VWA2: variants seen among roughly 807,000 people sequenced by gnomAD.
The protein encoded by VWA2 is von Willebrand factor A domain containing 2, also known as von Willebrand factor A domain-containing protein 2.
In VWA2, 73 loss-of-function variants were observed where a neutral mutation model predicts 70.4. The ratio of observed to expected loss-of-function variants is 1.04; its 90% CI spans 0.86 to 1.26. The LOEUF is 1.26. Ranked by LOEUF, VWA2 falls within the 50% of genes most tolerant of loss-of-function variation. The pLI is 0.00. For synonymous variants in VWA2, 407 were observed against 423.3 expected, an observed-to-expected ratio of 0.96 and a Z score of 0.47; for missense variants, 1,011 against 998.5, an observed-to-expected ratio of 1.01 and a Z score of -0.17.
chr10:114,263,868 T>C (rs1200344858), intron 5 of VWA2, among the ~76,000 whole-genome samples: 2 of 152,148 alleles, frequency 1.3e-5, no homozygotes, highest in Non-Finnish European at 2.9e-5. Flanking sequence ...TAGACATTGT[T>C]CCAAAGAAGA....
rs74463234 is a variant in VWA2, at chr10:114,269,974, A to G, written c.372-2766A>G. Among the ~76,000 whole-genome samples the G allele has an allele frequency of 6.9e-3, 1,044 of 152,340 alleles. 10 individuals carry two copies. Among genetic ancestry groups the G allele is most frequent in the African/African-American group, 0.024 (995 of 41,578 alleles). On this transcript the variant is annotated intron_variant, in intron 5 of 13. Transcript: ENST00000392982. ...TTTAAGCAGGACAGTTTAGAACAGG[A>G]GTTGGCAAACTTTTTCAGTAAAAGT...
intron 5 of VWA2, among the ~76,000 whole-genome samples, chr10:114,265,674 T>C (rs547822370): frequency 6.6e-6 from 1 of 152,290 alleles, no homozygotes; most frequent in South Asian, 2.1e-4. Flanking sequence ...AACTAAGGGC[T>C]TGAGAGCATT....
At chr10:114,254,032 C>T (rs1258042613) in intron 3 of VWA2, among the ~76,000 whole-genome samples, 1 of 151,472 alleles carries the variant, frequency 6.6e-6, no homozygotes, top group Non-Finnish European at 1.5e-5. Context: ...ACAAGAGGTA[C>T]ACTCCATCTC....
rs566742651 is a variant in VWA2, at chr10:114,286,234, G to A, written c.1293G>A (p.Glu431=). 1.5e-4 allele frequency: 241 copies of A among 1,613,344 alleles called. 2 individuals are homozygous for A. The Middle Eastern group carries it at 2.3e-3, about 15-fold the overall frequency. ...GCAGTGCCTTGCGGCAGGCGGCAGA[G>A]CGTGGCTTCGGGAGCGCCACCAGGA... The part of the protein sequence containing the change: ...LTGSALRQAA[E]RGFGSATRTG... Residue 431 remains glutamate (E), a synonymous_variant, in exon 11 of 14, where the codon GAG becomes GAA. Transcript: ENST00000392982.
rs924139658 is a variant in VWA2 at position 114,292,449 on chromosome 10, GTTTTAA to G, written c.*1217_*1222del. Among the ~76,000 whole-genome samples, 3 of 151,634 alleles carry G rather than the reference GTTTTAA, an allele frequency of 2.0e-5. No individual in the cohort carries two copies. Among genetic ancestry groups the G allele is most frequent in the Admixed American group, 2.0e-4 (3 of 15,206 alleles). ...AAAGCATTGATCTTACGCTGTCTAGGTTTTAATTTTGTTTTGCTTTGCTTTTCTACA... is the reference window on the plus strand; with the variant it reads ...AAAGCATTGATCTTACGCTGTCTAGGTTTTGTTTTGCTTTGCTTTTCTACA... On this transcript the variant is annotated 3_prime_UTR_variant, in exon 14 of 14. Transcript: ENST00000392982.
In VWA2 at chr10:114,284,749, G is replaced by A. The variant is rs997847632; in HGVS notation, c.890-114G>A. On this transcript the variant is annotated intron_variant, in intron 9 of 13. Transcript: ENST00000392982. ...ATTTCCTGGTGGACTGTGGGGGAAG[G>A]GAGGGGCTGGGCCACTGCTAGAGCA... 7.5e-6 allele frequency: 7 copies of A among 930,494 alleles called. No individual in the cohort carries two copies. The African/African-American group carries it at 1.2e-4, about 16-fold the overall frequency. 57.6% of individuals were successfully genotyped at this position (930,494 alleles called of 1,614,324 possible). A position where few individuals can be genotyped will look rare whatever the true frequency, so the allele number is the denominator to read the frequency against.
chr10:114,271,608 A>AACACACACACACACACACACACAC (rs142127208), intron 5 of VWA2, among the ~76,000 whole-genome samples: 247 of 144,782 alleles, frequency 1.7e-3, no homozygotes, highest in African/African-American at 5.9e-3. Flanking sequence ...GAGAAGTAAA[A>AACACACACACACACACACACACAC]ACACACACAC....
intron 2 of VWA2, among the ~76,000 whole-genome samples, chr10:114,251,098 G>A (rs2037186632): frequency 1.3e-5 from 2 of 152,268 alleles, no homozygotes; most frequent in Admixed American, 1.3e-4. Context: ...AGACTTGGCT[G>A]TCACATCTGT....
intron 11 of VWA2, among the ~76,000 whole-genome samples, chr10:114,288,673 C>T (rs760347981): frequency 7.9e-5 from 12 of 152,220 alleles, no homozygotes; most frequent in Non-Finnish European, 1.6e-4. Flanking sequence ...TGAAATTGAT[C>T]ACGTCCGTCA....
intron 1 of VWA2, among the ~76,000 whole-genome samples, chr10:114,242,509 G>C (rs1384333400): frequency 1.3e-5 from 2 of 151,608 alleles, no homozygotes; most frequent in Non-Finnish European, 2.9e-5. Flanking sequence ...CTGTGTACCA[G>C]TAAATCTGTG....
At chr10:114,265,145 G>T (rs548058277) in intron 5 of VWA2, among the ~76,000 whole-genome samples, 1 of 152,340 alleles carries the variant, frequency 6.6e-6, no homozygotes, top group South Asian at 2.1e-4. Context: ...TCTTTTTGGG[G>T]TAAAGAATAG....
chr10:114,255,769 G>A (rs1041229741), intron 4 of VWA2, among the ~76,000 whole-genome samples: 6 of 132,602 alleles, frequency 4.5e-5, no homozygotes, highest in African/African-American at 1.4e-4. Context: ...TCTAAAAGGG[G>A]CATTTTTTTT....
At position 114,294,088 on chromosome 10, in the gene VWA2, T is replaced by G. The variant is rs745360810; in HGVS notation, c.*2851T>G. ...GTTAATGTGATAGGTTATCCATTTG[T>G]GTATTTTCAATCATTGAACAACCCT... On this transcript the variant is annotated 3_prime_UTR_variant, in exon 14 of 14. Transcript: ENST00000392982. 6.6e-6 allele frequency among the ~76,000 whole-genome samples: 1 copy of G among 152,216 alleles called. No homozygotes were observed. Among genetic ancestry groups the G allele is most frequent in the Non-Finnish European group, 1.5e-5 (1 of 68,028 alleles).
chr10:114,242,468 T>C (rs1000333797), intron 1 of VWA2, among the ~76,000 whole-genome samples: 5 of 152,154 alleles, frequency 3.3e-5, no homozygotes, highest in Non-Finnish European at 5.9e-5. Context: ...CGTGCCTCTG[T>C]GTACCAGTGC....
chr10:114,269,090 C>G (rs2037646045), intron 5 of VWA2, among the ~76,000 whole-genome samples: 1 of 152,208 alleles, frequency 6.6e-6, no homozygotes, highest in African/African-American at 2.4e-5. Flanking sequence ...AGCCAGCAGA[C>G]AGTTTTCTTG....
intron 5 of VWA2, among the ~76,000 whole-genome samples, chr10:114,263,327 C>G (rs2037485058): frequency 8.2e-6 from 1 of 121,742 alleles, no homozygotes; most frequent in South Asian, 2.4e-4. Flanking sequence ...GAATCTCCCC[C>G]ATTTTTTTTT....
intron 2 of VWA2, among the ~76,000 whole-genome samples, chr10:114,250,629 G>A (rs1180113448): frequency 1.3e-5 from 2 of 152,202 alleles, no homozygotes; most frequent in Non-Finnish European, 1.5e-5. Context: ...GGAACCTAGC[G>A]AGGATCAGAA....
At chr10:114,267,751 T>C (rs1240569315) in intron 5 of VWA2, among the ~76,000 whole-genome samples, 1 of 152,140 alleles carries the variant, frequency 6.6e-6, no homozygotes, top group Non-Finnish European at 1.5e-5. Flanking sequence ...TTCTTATGAA[T>C]TATTTTTCTT....
intron 4 of VWA2, among the ~76,000 whole-genome samples, chr10:114,259,517 G>T (rs2037400604): frequency 1.4e-5 from 2 of 147,006 alleles, no homozygotes; most frequent in African/African-American, 5.0e-5. Flanking sequence ...TTTCCTTTAT[G>T]GCTTCTGGAT....
Sources: allele counts gnomAD v4.1 joint callset (sites outside exome capture counted in the v4.1 genomes callset), GRCh38; gene constraint gnomAD v4.1.1; transcripts MANE v1.5; gene names NCBI Gene and HGNC (gene_info 2026-07-23, HGNC 2026-07-21).